AR: variants seen among roughly 807,000 people sequenced by gnomAD.
The protein encoded by AR is androgen receptor, also known as dihydrotestosterone receptor.
A neutral mutation model predicts 53.9 loss-of-function variants in AR; 8 were observed. That is an observed-to-expected ratio of 0.15 (90% CI 0.09 to 0.27). The LOEUF is 0.27. Ranked by LOEUF, AR falls within the 10% of genes least tolerant of loss-of-function variation. The pLI, the probability that AR is intolerant of heterozygous loss-of-function variation, is 1.00. For missense variants in AR, 639 were observed against 742.5 expected (o/e 0.86, Z 1.62); for synonymous variants, 359 against 316.4 (o/e 1.13, Z -1.43).
chrX:67,659,346 T>G (rs1438647769), intron 2 of AR, among the ~76,000 whole-genome samples: 1 of 110,736 alleles, frequency 9.0e-6, no homozygotes, highest in Non-Finnish European at 1.9e-5. Flanking sequence ...TAGGTATATC[T>G]CCTAATGCTA....
At chrX:67,684,625 A>G (rs1393463600) in intron 2 of AR, among the ~76,000 whole-genome samples, 1 of 111,724 alleles carries the variant, frequency 9.0e-6, no homozygotes, top group Non-Finnish European at 1.9e-5. Flanking sequence ...AATTAAAGGA[A>G]AAAGAACAAA....
chrX:67,626,540 A>G (rs5919398), intron 1 of AR, among the ~76,000 whole-genome samples: 2 of 90,618 alleles, frequency 2.2e-5, no homozygotes, highest in African/African-American at 8.3e-5. Flanking sequence ...TCCCAGGTTC[A>G]TGCCATTCTC....
intron 1 of AR, among the ~76,000 whole-genome samples, chrX:67,636,845 T>C (rs1925459739): frequency 8.9e-6 from 1 of 111,741 alleles, no homozygotes; most frequent in African/African-American, 3.3e-5. Flanking sequence ...AGGCACTATC[T>C]CAGGTCTCTA....
At chrX:67,689,597 G>T (rs1366579058) in intron 3 of AR, 2 of 964,495 alleles carry the variant, frequency 2.1e-6, no homozygotes, top group East Asian at 1.5e-4. Context: ...GGTGTTTGGA[G>T]TCTCAGAATG....
chrX:67,700,780 T>G (rs1480550224), intron 3 of AR, among the ~76,000 whole-genome samples: 1 of 112,049 alleles, frequency 8.9e-6, no homozygotes, highest in Non-Finnish European at 1.9e-5. Flanking sequence ...CACATATTGA[T>G]CTTACTTGTA....
intron 1 of AR, among the ~76,000 whole-genome samples, chrX:67,632,127 TAGAGGCAGGC>T (rs1348948948): frequency 9.1e-6 from 1 of 110,317 alleles, no homozygotes; most frequent in Non-Finnish European, 1.9e-5. Flanking sequence ...GTGAAGCCTA[TAGAGGCAGGC>T]AGGCCTCCTT....
At chrX:67,629,163 G>T (rs1432038926) in intron 1 of AR, among the ~76,000 whole-genome samples, 4 of 110,037 alleles carry the variant, frequency 3.6e-5, no homozygotes, top group Non-Finnish European at 5.7e-5. Flanking sequence ...AAATGAGTTA[G>T]GGAGGATTCC....
intron 1 of AR, among the ~76,000 whole-genome samples, chrX:67,554,915 CA>C (rs749297941): frequency 0.01 from 594 of 57,004 alleles, no homozygotes; most frequent in African/African-American, 0.018. Flanking sequence ...CAGGCTCCGT[CA>C]AAAAAAAAAA....
At chrX:67,696,022 A>G (rs2076019069) in intron 3 of AR, 2 of 750,615 alleles carry the variant, frequency 2.7e-6, no homozygotes, top group African/African-American at 4.6e-5. Flanking sequence ...ATTTGTTTGA[A>G]TGTTGCATAT....
rs2076163202 is a variant in AR, at chrX:67,727,659, C to T, written c.*3818C>T. 5.8e-6 allele frequency: 1 copy of T among 173,698 alleles called. No individual in the cohort carries two copies. The highest frequency in any genetic ancestry group is 2.9e-5 in the African/African-American group (1 of 34,424). The allele number at this position is 173,698 out of a possible 1,213,427, so 14.3% of individuals were successfully genotyped here. ...TCCTCTGCCCCTTCCCAGCCCTGCA[C>T]CAAAGCTGCATTTCAGGAGACTCTC... On this transcript the variant is annotated 3_prime_UTR_variant, in exon 8 of 8. Transcript: ENST00000374690.
intron 2 of AR, among the ~76,000 whole-genome samples, chrX:67,656,912 A>G (rs955404693): frequency 3.7e-4 from 41 of 109,591 alleles, no homozygotes; most frequent in African/African-American, 1.4e-3. Flanking sequence ...CTTAAAGCTT[A>G]GTAGGAGATA....
In AR at chrX:67,686,029, C is replaced by T. The variant is rs150303722; in HGVS notation, c.1788C>T (p.Cys596=). Residue 596 remains cysteine (C), a synonymous_variant, in exon 3 of 8, where the codon TGC becomes TGT. Transcript: ENST00000374690. ...TCCCAGGGAAACAGAAGTACCTGTG[C>T]GCCAGCAGAAATGATTGCACTATTG... ...RAAEGKQKYL[C]ASRNDCTIDK... is the part of the protein sequence containing the mutation. 1.1e-3 allele frequency: 1,341 copies of T among 1,207,718 alleles called. 4 individuals are homozygous for T. The highest frequency in any genetic ancestry group is 0.011 in the African/African-American group (621 of 57,197).
intron 1 of AR, among the ~76,000 whole-genome samples, chrX:67,553,238 A>G (rs982295045): frequency 1.8e-5 from 2 of 112,006 alleles, no homozygotes; most frequent in African/African-American, 6.5e-5. Flanking sequence ...TAATGTTTAT[A>G]TATGACTGAG....
At chrX:67,574,616 A>G (rs755518543) in intron 1 of AR, among the ~76,000 whole-genome samples, 44 of 111,444 alleles carry the variant, frequency 3.9e-4, no homozygotes, top group African/African-American at 1.4e-3. Flanking sequence ...TCATCCCCAT[A>G]ACTTTGGAAG....
intron 1 of AR, among the ~76,000 whole-genome samples, chrX:67,573,513 C>G (rs1921915737): frequency 9.0e-6 from 1 of 111,718 alleles, no homozygotes; most frequent in Non-Finnish European, 1.9e-5. Context: ...GCTGCACTGA[C>G]TGACTTCTGA....
chrX:67,573,242 A>G (rs1435582350), intron 1 of AR, among the ~76,000 whole-genome samples: 1 of 111,959 alleles, frequency 8.9e-6, no homozygotes, highest in Non-Finnish European at 1.9e-5. Context: ...AGTTAAAGAA[A>G]AGCAATCAAA....
intron 3 of AR, among the ~76,000 whole-genome samples, chrX:67,701,446 C>G (rs948095695): frequency 9.0e-6 from 1 of 111,682 alleles, no homozygotes; most frequent in Non-Finnish European, 1.9e-5. Flanking sequence ...CCCTCTCTGG[C>G]TTCAGCCTCC....
chrX:67,647,026 A>G (rs1175022857), intron 2 of AR, among the ~76,000 whole-genome samples: 3 of 110,448 alleles, frequency 2.7e-5, no homozygotes, highest in African/African-American at 9.9e-5. Flanking sequence ...TTTCTTTTCT[A>G]TTTTCTCATC....
chrX:67,708,318 T>G (rs2076077731), intron 3 of AR, among the ~76,000 whole-genome samples: 1 of 111,869 alleles, frequency 8.9e-6, no homozygotes, highest in Admixed American at 9.5e-5. Context: ...TAGTCCCATA[T>G]TTCTTGGAGG....
Sources: gnomAD v4.1 joint callset for allele counts (sites outside exome capture counted in the v4.1 genomes callset) on GRCh38, gnomAD v4.1.1 for gene constraint, MANE v1.5 for transcripts, NCBI Gene and HGNC (gene_info 2026-07-23, HGNC 2026-07-21) for gene names.